The following STT3B variants were observed in gnomAD, a reference collection of about 807,000 sequenced individuals.
STT3B encodes the protein STT3 oligosaccharyltransferase complex catalytic subunit B.
Under a neutral mutation model 96.8 loss-of-function variants are expected in STT3B, and 29 were observed. The ratio of observed to expected loss-of-function variants is 0.30; its 90% CI spans 0.22 to 0.41. STT3B has a LOEUF of 0.41. STT3B is among the 10% of genes least tolerant of loss of function. STT3B has a pLI of 1.00. For missense variants in STT3B, 640 were observed against 1,022.3 expected, an observed-to-expected ratio of 0.63 and a Z score of 5.10; for synonymous variants, 367 against 360.0, an observed-to-expected ratio of 1.02 and a Z score of -0.22.
At chr3:31,560,484 ATATTT>A (rs1308959434) in intron 1 of STT3B, among the ~76,000 whole-genome samples, 3 of 151,936 alleles carry the variant, frequency 2.0e-5, no homozygotes, top group African/African-American at 7.3e-5. Context: ...TGTCTGGAAA[ATATTT>A]TATTTCTCCT....
At chr3:31,634,450 TA>T (rs1372921192) in intron 15 of STT3B, among the ~76,000 whole-genome samples, 1 of 152,218 alleles carries the variant, frequency 6.6e-6, no homozygotes, top group Non-Finnish European at 1.5e-5. Context: ...AAATAAAACA[TA>T]ATCTGTCTTG....
At chr3:31,616,531 AGTCTTTGT>A (rs1284595415) in intron 6 of STT3B, among the ~76,000 whole-genome samples, 74 of 151,900 alleles carry the variant, frequency 4.9e-4, no homozygotes, top group Non-Finnish European at 9.1e-4. Flanking sequence ...CCTGATCCTA[AGTCTTTGT>A]ATCCTTCAGC....
intron 1 of STT3B, among the ~76,000 whole-genome samples, chr3:31,537,096 C>G (rs116787195): frequency 1.3e-5 from 2 of 152,166 alleles, no homozygotes; most frequent in Admixed American, 6.5e-5. Flanking sequence ...AAAAATGCAG[C>G]AGACGCCTTT....
intron 5 of STT3B, among the ~76,000 whole-genome samples, chr3:31,610,370 T>C (rs1327123643): frequency 1.3e-5 from 2 of 152,218 alleles, no homozygotes; most frequent in African/African-American, 4.8e-5. Flanking sequence ...TGATTTAACA[T>C]GGGTTAAAGT....
chr3:31,582,241 A>G (rs1051311993), intron 3 of STT3B, among the ~76,000 whole-genome samples: 2 of 146,068 alleles, frequency 1.4e-5, no homozygotes, highest in Admixed American at 1.4e-4. Context: ...AGTCTTTATT[A>G]TTTATTCAAT....
chr3:31,564,871 AG>A (rs1210301897), intron 1 of STT3B, among the ~76,000 whole-genome samples: 2 of 152,226 alleles, frequency 1.3e-5, no homozygotes, highest in Non-Finnish European at 2.9e-5. Context: ...ATGACCAGAA[AG>A]AGGAAGAGAT....
At chr3:31,572,061 A>G (rs1006656945) in intron 1 of STT3B, among the ~76,000 whole-genome samples, 10 of 141,350 alleles carry the variant, frequency 7.1e-5, no homozygotes, top group African/African-American at 1.8e-4. Flanking sequence ...ATCATATATT[A>G]ATATATTAAA....
rs750037765 is a variant in STT3B at position 31,570,076 on chromosome 3, A to G, written c.315-6320A>G. ...ACAGTTTTCAGTTTATGATTCATCTATAACACTCTCCTTTCAGCTATTTAA... is the reference window on the plus strand; with the variant it reads ...ACAGTTTTCAGTTTATGATTCATCTGTAACACTCTCCTTTCAGCTATTTAA... On this transcript the variant is annotated intron_variant, in intron 1 of 15. Coordinates refer to ENST00000295770, the MANE Select transcript of STT3B (RefSeq NM_178862.3). Among the ~76,000 whole-genome samples, 61 of 152,238 alleles carry G rather than the reference A, an allele frequency of 4.0e-4. No homozygotes were observed. The Middle Eastern group carries it at 0.01, about 26-fold the overall frequency.
At chr3:31,580,659 G>A (rs1364665603) in intron 3 of STT3B, among the ~76,000 whole-genome samples, 1 of 151,974 alleles carries the variant, frequency 6.6e-6, no homozygotes, top group Non-Finnish European at 1.5e-5. Flanking sequence ...ATATTTTTAG[G>A]TAGCTAGGTG....
chr3:31,572,749 T>C (rs1043417326), intron 1 of STT3B, among the ~76,000 whole-genome samples: 1 of 152,078 alleles, frequency 6.6e-6, no homozygotes, highest in Non-Finnish European at 1.5e-5. Context: ...TAATCCTAGC[T>C]ACTTGGGAGG....
intron 7 of STT3B, 103 bp downstream of exon 7, chr3:31,617,178 A>ATTTTT: frequency 3.0e-6 from 2 of 666,380 alleles, no homozygotes; most frequent in East Asian, 3.4e-5. Context: ...CTACAAAGTG[A>ATTTTT]TTTTTTTCTT....
chr3:31,566,125 G>A (rs531803775), intron 1 of STT3B, among the ~76,000 whole-genome samples: 1 of 152,318 alleles, frequency 6.6e-6, no homozygotes, highest in South Asian at 2.1e-4. Flanking sequence ...ATTCAAAACT[G>A]TGTGTCCATT....
intron 3 of STT3B, among the ~76,000 whole-genome samples, chr3:31,585,229 CGTGATTGA>C (rs1164409929): frequency 3.3e-5 from 5 of 151,960 alleles, no homozygotes; most frequent in Non-Finnish European, 7.4e-5. Flanking sequence ...ACATTTTCAT[CGTGATTGA>C]GTGATTGAGA....
chr3:31,610,321 T>G (rs1200580641), intron 5 of STT3B, among the ~76,000 whole-genome samples: 1 of 152,238 alleles, frequency 6.6e-6, no homozygotes, highest in Non-Finnish European at 1.5e-5. Flanking sequence ...TAATACTATT[T>G]TGGTTGAGAG....
chr3:31,593,081 G>C (rs910325971), intron 3 of STT3B, among the ~76,000 whole-genome samples: 1 of 152,166 alleles, frequency 6.6e-6, no homozygotes, highest in Non-Finnish European at 1.5e-5. Flanking sequence ...TCTAGGTGGG[G>C]AGCTGATTTC....
intron 1 of STT3B, among the ~76,000 whole-genome samples, chr3:31,549,785 T>C (rs1697505592): frequency 6.6e-6 from 1 of 152,168 alleles, no homozygotes. Flanking sequence ...CTATAATATA[T>C]GAATAGTTAT....
In STT3B at chr3:31,617,006, C is replaced by G; in HGVS notation, c.1054C>G (p.Leu352Val). Residue 352 changes from leucine to valine, a missense_variant, in exon 7 of 16, where the codon CTT becomes GTT. Around this residue, in one of 8 missense-constraint regions of STT3B, gnomAD observed 267 missense variants for 388.3 expected, o/e 0.69. Transcript: ENST00000295770. ...ATTAACAAAACAAGAGTTCCAGACC[C>G]TTTTCTTTTTGGGTGTATCACTAGC... ...DRLTKQEFQT[L>V]FFLGVSLAAG... The G allele has an allele frequency of 6.2e-7, 1 of 1,611,802 alleles. No homozygotes were observed. Among genetic ancestry groups the G allele is most frequent in the Non-Finnish European group, 8.5e-7 (1 of 1,178,260 alleles).
rs893512885 is a variant in STT3B at position 31,533,489 on chromosome 3, GT to G, written c.314+180del. On this transcript the variant is annotated intron_variant, in intron 1 of 15. Transcript: ENST00000295770. The stretch of plus-strand genomic sequence containing the variant: ...GGCGCGCCCCCTGCCCGTGGGCGAA[GT>G]TTGCCCCGTGCAGCCTGAGGCGGGG... 1.3e-5 allele frequency: 10 copies of G among 763,894 alleles called. No individual in the cohort carries two copies. In the African/African-American group the frequency reaches 1.9e-4, roughly 14 times the overall value. 47.3% of individuals were successfully genotyped at this position (763,894 alleles called of 1,614,324 possible). A position where few individuals can be genotyped will look rare whatever the true frequency, so the allele number is the denominator to read the frequency against.
At chr3:31,545,848 C>G (rs1251360790) in intron 1 of STT3B, among the ~76,000 whole-genome samples, 3 of 141,184 alleles carry the variant, frequency 2.1e-5, no homozygotes, top group African/African-American at 7.9e-5. Flanking sequence ...CATCAGCTAT[C>G]GTTAGTGTAT....
Sources: gnomAD v4.1 joint callset for allele counts (sites outside exome capture counted in the v4.1 genomes callset) on GRCh38, gnomAD v4.1.1 for gene constraint, gnomAD v4.1.1 regional missense constraint, MANE v1.5 for transcripts, NCBI Gene and HGNC (gene_info 2026-07-23, HGNC 2026-07-21) for gene names.